NALF1: variants seen among roughly 807,000 people sequenced by gnomAD.
The protein encoded by NALF1 is family with sequence similarity 155 member A.
Under a neutral mutation model 48.4 loss-of-function variants are expected in NALF1, and 3 were observed. The ratio of observed to expected loss-of-function variants is 0.06; its 90% CI spans 0.03 to 0.16. The LOEUF is 0.16. Ranked by LOEUF, NALF1 falls within the 10% of genes least tolerant of loss-of-function variation. NALF1 has a pLI of 1.00. For synonymous variants in NALF1, 262 were observed against 245.7 expected, an observed-to-expected ratio of 1.07 and a Z score of -0.62; for missense variants, 526 against 571.5, an observed-to-expected ratio of 0.92 and a Z score of 0.81.
rs182441778 is a variant in NALF1 at position 107,552,818 on chromosome 13, C to T, written c.915+312864G>A. 2.6e-5 allele frequency among the ~76,000 whole-genome samples: 4 copies of T among 152,220 alleles called. No homozygotes were observed. In the East Asian group the frequency reaches 7.7e-4, roughly 29 times the overall value. On this transcript the variant is annotated intron_variant, in intron 1 of 2. Coordinates refer to ENST00000375915, the MANE Select transcript of NALF1 (RefSeq NM_001080396.3). ...ACTTAGAATATGGTTGACAGAATTA[C>T]ATCACATTTTTAGGAAGTAAAAGAT...
At chr13:107,575,938 T>C (rs944766006) in intron 1 of NALF1, among the ~76,000 whole-genome samples, 2 of 150,392 alleles carry the variant, frequency 1.3e-5, no homozygotes, top group Non-Finnish European at 3.0e-5. Flanking sequence ...TGTGTGCATG[T>C]GTGTGTATGT....
intron 1 of NALF1, among the ~76,000 whole-genome samples, chr13:107,450,265 AAGAT>A (rs76420428): frequency 0.02 from 3,023 of 152,280 alleles, 38 homozygotes; most frequent in Non-Finnish European, 0.032. Flanking sequence ...GGAATTGAGA[AAGAT>A]AGAAAAGGAG....
intron 1 of NALF1, among the ~76,000 whole-genome samples, chr13:107,246,814 T>C (rs1223479933): frequency 6.6e-6 from 1 of 152,146 alleles, no homozygotes; most frequent in Non-Finnish European, 1.5e-5. Context: ...TGTTTGGACA[T>C]AGAAAAGAGG....
chr13:107,719,587 G>C (rs991215107), intron 1 of NALF1, among the ~76,000 whole-genome samples: 1 of 151,946 alleles, frequency 6.6e-6, no homozygotes, highest in Non-Finnish European at 1.5e-5. Context: ...TGTCCAAGTA[G>C]AACTCAAAGC....
At chr13:107,474,372 T>C (rs1450952615) in intron 1 of NALF1, among the ~76,000 whole-genome samples, 1 of 152,208 alleles carries the variant, frequency 6.6e-6, no homozygotes, top group Non-Finnish European at 1.5e-5. Flanking sequence ...TGTTAGTTTT[T>C]AGCTCCTGCC....
At chr13:107,468,971 C>T (rs1368270364) in intron 1 of NALF1, among the ~76,000 whole-genome samples, 1 of 152,056 alleles carries the variant, frequency 6.6e-6, no homozygotes, top group Non-Finnish European at 1.5e-5. Context: ...GTATGTCTTG[C>T]TGAATTTTGA....
At chr13:107,239,743 G>C (rs1028835209) in intron 1 of NALF1, among the ~76,000 whole-genome samples, 3 of 152,178 alleles carry the variant, frequency 2.0e-5, no homozygotes, top group African/African-American at 7.2e-5. Flanking sequence ...GTGGTCTAGA[G>C]CTCAGAAGAG....
intron 1 of NALF1, among the ~76,000 whole-genome samples, chr13:107,811,702 A>ATGG (rs1199815260): frequency 6.6e-6 from 1 of 152,174 alleles, no homozygotes; most frequent in East Asian, 1.9e-4. Flanking sequence ...TATTTGGCTC[A>ATGG]TGGTTCTGAA....
At chr13:107,476,280 A>T (rs1463845083) in intron 1 of NALF1, among the ~76,000 whole-genome samples, 2 of 152,146 alleles carry the variant, frequency 1.3e-5, no homozygotes, top group Non-Finnish European at 2.9e-5. Flanking sequence ...GTGATTATAA[A>T]ATAAAATATT....
intron 1 of NALF1, among the ~76,000 whole-genome samples, chr13:107,530,149 T>G (rs1442152098): frequency 1.3e-5 from 2 of 151,994 alleles, no homozygotes; most frequent in South Asian, 4.1e-4. Flanking sequence ...CCTGGGACAC[T>G]CTCTCCTGCC....
At chr13:107,185,668 A>C (rs888954643) in intron 2 of NALF1, among the ~76,000 whole-genome samples, 3 of 152,090 alleles carry the variant, frequency 2.0e-5, no homozygotes, top group Admixed American at 1.3e-4. Flanking sequence ...TTCAGATGGG[A>C]TATATGAAAC....
chr13:107,250,902 C>T (rs1344063792), intron 1 of NALF1, among the ~76,000 whole-genome samples: 1 of 152,108 alleles, frequency 6.6e-6, no homozygotes, highest in Non-Finnish European at 1.5e-5. Context: ...CCTCCTGCTC[C>T]CAGCCATGTA....
intron 1 of NALF1, among the ~76,000 whole-genome samples, chr13:107,242,037 T>C (rs1225535425): frequency 6.6e-6 from 1 of 152,190 alleles, no homozygotes; most frequent in Non-Finnish European, 1.5e-5. Context: ...CTGCTTCTGC[T>C]ATTGAAAATA....
At chr13:107,586,635 A>ATTTTTTTTTTTGTTTTTTTTTTTT (rs1878465202) in intron 1 of NALF1, among the ~76,000 whole-genome samples, 1 of 93,122 alleles carries the variant, frequency 1.1e-5, no homozygotes, top group Non-Finnish European at 2.0e-5. Flanking sequence ...CCCTATGGAG[A>ATTTTTTTTTTTGTTTTTTTTTTTT]TTTTTTTTTT....
intron 1 of NALF1, among the ~76,000 whole-genome samples, chr13:107,767,658 G>C (rs1244606249): frequency 6.6e-6 from 1 of 152,152 alleles, no homozygotes; most frequent in South Asian, 2.1e-4. Context: ...GCTGCTAATG[G>C]TCATTTTTCC....
rs141613021 is a variant in NALF1, at chr13:107,652,907, T to C, written c.915+212775A>G. Among the ~76,000 whole-genome samples, 205 of 152,252 alleles carry C rather than the reference T, an allele frequency of 1.3e-3. 1 individual carries two copies. In the Middle Eastern group the frequency reaches 0.014, roughly 10 times the overall value. The stretch of plus-strand genomic sequence containing the variant: ...TCAATGATTAGAAGCATTGTGCCAT[T>C]TGGTGCCTCAAATTGCTGGAATCTG... On this transcript the variant is annotated intron_variant, in intron 1 of 2. Coordinates refer to ENST00000375915, the MANE Select transcript of NALF1 (RefSeq NM_001080396.3).
chr13:107,833,411 T>A (rs972916319), intron 1 of NALF1, among the ~76,000 whole-genome samples: 1 of 152,208 alleles, frequency 6.6e-6, no homozygotes, highest in Non-Finnish European at 1.5e-5. Context: ...CCTCTTTTCT[T>A]TCTCCATCTA....
chr13:107,411,439 A>G (rs1883989988), intron 1 of NALF1, among the ~76,000 whole-genome samples: 1 of 151,766 alleles, frequency 6.6e-6, no homozygotes, highest in African/African-American at 2.4e-5. Context: ...GACCCCACAA[A>G]GTATTGGGAT....
chr13:107,187,175 T>A (rs1879192850), intron 2 of NALF1, among the ~76,000 whole-genome samples: 1 of 152,184 alleles, frequency 6.6e-6, no homozygotes, highest in South Asian at 2.1e-4. Flanking sequence ...CTGGGTAATC[T>A]CTTCATTTTA....
Sources: gnomAD v4.1 joint callset for allele counts (sites outside exome capture counted in the v4.1 genomes callset) on GRCh38, gnomAD v4.1.1 for gene constraint, MANE v1.5 for transcripts, NCBI Gene and HGNC (gene_info 2026-07-23, HGNC 2026-07-21) for gene names.